Variants in FLNC observed in about 807,000 individuals in gnomAD.
FLNC encodes filamin-C.
Under a neutral mutation model 254.3 loss-of-function variants are expected in FLNC, and 91 were observed. That is an observed-to-expected ratio of 0.36 (90% CI 0.30 to 0.43). The LOEUF (loss-of-function observed/expected upper bound fraction) is 0.43, where lower values mean the gene tolerates loss of function less well. FLNC is among the 20% of genes least tolerant of loss of function. The pLI, the probability that FLNC is intolerant of heterozygous loss-of-function variation, is 1.00. For missense variants in FLNC, 2,853 were observed against 3,802.6 expected (o/e 0.75, Z 6.57); for synonymous variants, 1,430 against 1,577.2 (o/e 0.91, Z 2.21).
At position 128,847,710 on chromosome 7, in the gene FLNC, C is replaced by T. The variant is rs114697352; in HGVS notation, c.4302C>T (p.Arg1434=). The change falls in exon 25 of 48, where the codon CGC becomes CGT. Residue 1434 remains arginine, a synonymous_variant. Transcript: ENST00000325888. ...TTCTCCTCACAGGGAGCCCGTTCCG[C>T]GTGCCAGTGAAGGATGTGGTGGACC... The part of the protein sequence containing the change: ...GGRPIPGSPF[R]VPVKDVVDPG... The T allele has an allele frequency of 1.7e-3, 2,687 of 1,614,060 alleles. 55 individuals are homozygous for T. The African/African-American group carries it at 0.032, about 19-fold the overall frequency.
In FLNC at chr7:128,844,199, A is replaced by G. The variant is rs1194808299; in HGVS notation, c.3125A>G (p.Tyr1042Cys). ...EEGPYKVDIT[Y>C]DGHPVPGSPF... The stretch of plus-strand genomic sequence containing the variant: ...GGGCCCTACAAGGTGGATATCACCT[A>G]CGATGGTCACCCGGTGCCTGGCAGC... Residue 1042 changes from tyrosine to cysteine, a missense_variant, in exon 20 of 48, where the codon TAC becomes TGC. By Grantham distance (194) the Tyr-to-Cys change is radical. Around this residue, in one of 10 missense-constraint regions of FLNC, gnomAD observed 1,573 missense variants for 1,883.5 expected, o/e 0.84. Transcript: ENST00000325888. 1.2e-6 allele frequency: 2 copies of G among 1,613,060 alleles called. No individual in the cohort carries two copies. Among genetic ancestry groups the G allele is most frequent in the East Asian group, 2.2e-5 (1 of 44,880 alleles).
chr7:128,831,555 G>A (rs1184054507), intron 1 of FLNC, among the ~76,000 whole-genome samples: 1 of 152,232 alleles, frequency 6.6e-6, no homozygotes, highest in Non-Finnish European at 1.5e-5. Context: ...CCGGGGGCCA[G>A]GACAGGCAGG....
chr7:128,847,078 T>A (rs1808599317), intron 24 of FLNC, among the ~76,000 whole-genome samples, 173 bp downstream of exon 24: 1 of 152,162 alleles, frequency 6.6e-6, no homozygotes, highest in Non-Finnish European at 1.5e-5. Flanking sequence ...AGGCAGGCAA[T>A]GAGGGTTGAT....
At chr7:128,838,133 C>G (rs1808176719) in intron 6 of FLNC, 69 bp downstream of exon 6, 1 of 1,513,206 alleles carries the variant, frequency 6.6e-7, no homozygotes, top group Admixed American at 1.7e-5. Flanking sequence ...ATGGACCCCT[C>G]TCTCAGCCTG....
rs1808312824 is a variant in FLNC, at chr7:128,841,089, T to A, written c.1814-81T>A. On this transcript the variant is annotated intron_variant, in intron 11 of 47. Coordinates refer to ENST00000325888, the MANE Select transcript of FLNC (RefSeq NM_001458.5). The surrounding 1 kb of genome is among the most constrained non-coding windows in gnomAD (Gnocchi z 4.3). ...CTGGGGTGAGCAGGGAGATAGGACA[T>A]GAGGGCAGCTAGAGGGGAGCTGGGG... 6.3e-7 allele frequency: 1 copy of A among 1,580,264 alleles called. No individual in the cohort carries two copies.
intron 9 of FLNC, 48 bp downstream of exon 9, chr7:128,840,208 A>T (rs1381728105): frequency 2.5e-6 from 4 of 1,606,872 alleles, no homozygotes; most frequent in Non-Finnish European, 3.4e-6. Flanking sequence ...GGGGATCATA[A>T]GGGAAGTATG....
rs963838554 is a variant in FLNC at position 128,843,872 on chromosome 7, C to T, written c.2888C>T (p.Pro963Leu). 64 of 1,613,960 alleles carry T rather than the reference C, an allele frequency of 4.0e-5. No homozygotes were observed. The highest frequency in any genetic ancestry group is 8.3e-5 in the Admixed American group (5 of 59,998). The change falls in exon 19 of 48, where the codon CCG becomes CTG. Residue 963 changes from proline (P) to leucine (L), a missense_variant. By Grantham distance (98) the Pro-to-Leu change is moderately conservative. Coordinates refer to ENST00000325888, the MANE Select transcript of FLNC (RefSeq NM_001458.5). ...CCCTTTGTGGTGAATGTGGCACCCC[C>T]GCTGGACCTCAGCAAAATCAAAGTT... ...KSPFVVNVAP[P>L]LDLSKIKVQG...
Position 128,854,827 on chromosome 7 carries a change from T to C in FLNC, c.7050T>C (p.Ala2350=). The stretch of plus-strand genomic sequence containing the variant: ...CTGGCGCTGGGGGCCTGTCCATTGC[T>C]GTGGAGGGTCCTAGCAAAGCGGAGA... ...REAGAGGLSI[A]VEGPSKAEIA... is the part of the protein sequence containing the mutation. Residue 2350 remains alanine (A), a synonymous_variant, in exon 42 of 48, where the codon GCT becomes GCC. Transcript: ENST00000325888. 1 of 1,614,156 alleles carries C rather than the reference T, an allele frequency of 6.2e-7. No individual in the cohort carries two copies. The highest frequency in any genetic ancestry group is 8.5e-7 in the Non-Finnish European group (1 of 1,180,032).
chr7:128,841,317 T>C lies in FLNC; in HGVS notation c.1961T>C (p.Phe654Ser). Residue 654 changes from phenylalanine to serine, a missense_variant, in exon 12 of 48, where the codon TTC (phenylalanine) becomes TCC (serine). By Grantham distance (155) the Phe-to-Ser change is radical. Coordinates refer to ENST00000325888, the MANE Select transcript of FLNC (RefSeq NM_001458.5). This position sits in a 1 kb window ranked among gnomAD's most constrained non-coding sequence, Gnocchi z 4.3. ...GATGAGGACATCCGAGACTCACCCT[T>C]CATTGCCCACATCCTGCCCGCCCCA... is the stretch of plus-strand genomic sequence containing the variant. ...CDDEDIRDSP[F>S]IAHILPAPPD... 6.2e-7 allele frequency: 1 copy of C among 1,614,016 alleles called. No homozygotes were observed. Among genetic ancestry groups the C allele is most frequent in the African/African-American group, 1.3e-5 (1 of 75,028 alleles).
rs772088387 is a variant in FLNC, at chr7:128,843,936, T to C, written c.2929+23T>C. On this transcript the variant is annotated intron_variant, in intron 19 of 47. Transcript: ENST00000325888. ...GCAGTAAGTGGGGCAAGAGCCACCC[T>C]GGGAGTGAGGGGTATTCGGGTAGGG... 8.1e-6 allele frequency: 13 copies of C among 1,614,006 alleles called. No individual in the cohort carries two copies. The East Asian group carries it at 2.9e-4, about 36-fold the overall frequency.
Position 128,856,368 on chromosome 7 carries a change from C to T in FLNC, c.7252-150C>T. On this transcript the variant is annotated intron_variant, in intron 43 of 47. Transcript: ENST00000325888. This position sits in a 1 kb window ranked among gnomAD's most constrained non-coding sequence, Gnocchi z 5.9. The stretch of plus-strand genomic sequence containing the variant: ...ACCGGACCCTGGCTCCTCCTGCTCC[C>T]AGGCTGGGCTGGCAGGCAGGGGCCA... 1 of 961,606 alleles carries T rather than the reference C, an allele frequency of 1.0e-6. No homozygotes were observed. Among genetic ancestry groups the T allele is most frequent in the Admixed American group, 1.8e-5 (1 of 54,546 alleles). The allele number at this position is 961,606 out of a possible 1,614,324, so 59.6% of individuals were successfully genotyped here.
In FLNC at chr7:128,849,321, C is replaced by T. The variant is rs142611699; in HGVS notation, c.4952-10C>T. The T allele has an allele frequency of 7.4e-5, 120 of 1,614,088 alleles. No individual in the cohort carries two copies. The African/African-American group carries it at 1.2e-3, about 16-fold the overall frequency. On this transcript the variant is annotated splice_polypyrimidine_tract_variant and intron_variant, in intron 29 of 47. Transcript: ENST00000325888. ...CACCAGCTCCCTGAGCAGGATCTCC[C>T]GCATGGCAGGTGCCTGCCTGGGCCC...
At chr7:128,852,527 G>A in intron 35 of FLNC, 64 bp from the exon 36 acceptor site, 4 of 1,589,664 alleles carry the variant, frequency 2.5e-6, no homozygotes, top group Admixed American at 1.7e-5. Context: ...GAGGGTTCCT[G>A]AGCCCTGTGA....
rs1214980108 is a variant in FLNC at position 128,845,226 on chromosome 7, A to C, written c.3761A>C (p.Lys1254Thr). ...CCTGCGGTCGATACCAGTGGCGTCA[A>C]GGTCTCAGGGCCTGGTGTTGAGCCA... is the stretch of plus-strand genomic sequence containing the variant. Reference protein sequence around the residue: ...VQPAVDTSGVKVSGPGVEPHG... With the variant: ...VQPAVDTSGVTVSGPGVEPHG... Residue 1254 changes from lysine (K) to threonine (T), a missense_variant, in exon 21 of 48, where the codon AAG (lysine) becomes ACG (threonine). By Grantham distance (78) the Lys-to-Thr change is moderately conservative. Transcript: ENST00000325888. The C allele has an allele frequency of 6.2e-7, 1 of 1,613,798 alleles. No homozygotes were observed.
In FLNC at chr7:128,841,436, C is replaced by A. The variant is rs763833533; in HGVS notation, c.2008-18C>A. The A allele has an allele frequency of 2.5e-6, 4 of 1,613,572 alleles. No individual in the cohort carries two copies. The highest frequency in any genetic ancestry group is 3.4e-6 in the Non-Finnish European group (4 of 1,179,522). ...GTTCTCCTCCCCTCCCCAACTCAGC[C>A]TTCTTCCCTCCGCACAGGTGAAGGC... On this transcript the variant is annotated intron_variant, in intron 12 of 47. Transcript: ENST00000325888. This position sits in a 1 kb window ranked among gnomAD's most constrained non-coding sequence, Gnocchi z 4.3.
Position 128,843,393 on chromosome 7 carries a change from T to A in FLNC, c.2642-15T>A, listed in dbSNP as rs1291186311. 6 of 1,613,930 alleles carry A rather than the reference T, an allele frequency of 3.7e-6. No individual in the cohort carries two copies. The highest frequency in any genetic ancestry group is 5.1e-6 in the Non-Finnish European group (6 of 1,179,958). ...GGCTGCCAGGCCCTCACCACATCTC[T>A]GGGTGGGTCCTCAGGTGTGGAAGTC... is the stretch of plus-strand genomic sequence containing the variant. On this transcript the variant is annotated splice_polypyrimidine_tract_variant and intron_variant, in intron 17 of 47. Transcript: ENST00000325888.
At position 128,844,782 on chromosome 7, in the gene FLNC, A is replaced by G. The variant is rs1349933620; in HGVS notation, c.3317A>G (p.Lys1106Arg). ...GLTVEGPCEA[K>R]IECQDNGDGS... is the part of the protein sequence containing the mutation. ...ACCGTAGAGGGCCCCTGCGAGGCCA[A>G]GATCGAGTGCCAGGACAATGGTGAT... The change falls in exon 21 of 48, where the codon AAG becomes AGG. Residue 1106 changes from lysine to arginine, a missense_variant. Coordinates refer to ENST00000325888, the MANE Select transcript of FLNC (RefSeq NM_001458.5). The G allele has an allele frequency of 1.9e-6, 3 of 1,613,998 alleles. No individual in the cohort carries two copies. The highest frequency in any genetic ancestry group is 1.3e-5 in the African/African-American group (1 of 74,942).
chr7:128,840,064 C>T lies in FLNC; in HGVS notation c.1453C>T (p.Gln485Ter). The T allele has an allele frequency of 6.2e-7, 1 of 1,614,092 alleles. No homozygotes were observed. The change falls in exon 9 of 48, where the codon CAG becomes TAG. Residue 485 changes from glutamine to a stop codon, truncating the protein, a stop_gained. Coordinates refer to ENST00000325888, the MANE Select transcript of FLNC (RefSeq NM_001458.5). LOFTEE classifies it high-confidence loss of function. ...NACRASGRGL[Q>*]PKGVRVKEVA... ...CTGCCGCGCCTCTGGGCGAGGCCTG[C>T]AGCCCAAGGGTGTTCGCGTGAAAGA...
rs779105468 is a variant in FLNC, at chr7:128,842,580, C to T, written c.2271C>T (p.Asn757=). Residue 757 remains asparagine (N), a synonymous_variant, in exon 15 of 48, where the codon AAC becomes AAT. Transcript: ENST00000325888. This position sits in a 1 kb window ranked among gnomAD's most constrained non-coding sequence, Gnocchi z 5.4. ...AGCTGCGACCCCTCCCGCAGGTGAA[C>T]GTGGGCGAGGGCAGCCACCCCGAGC... ...VNVPKSPFRV[N]VGEGSHPERV... The T allele has an allele frequency of 7.7e-6, 12 of 1,549,098 alleles. No individual in the cohort carries two copies. The highest frequency in any genetic ancestry group is 5.9e-5 in the Admixed American group (3 of 51,002).
Sources: gnomAD v4.1 joint callset for allele counts (sites outside exome capture counted in the v4.1 genomes callset) on GRCh38, gnomAD v4.1.1 for gene constraint, gnomAD v4.1.1 regional missense constraint, Gnocchi (gnomAD v3.1) non-coding constraint, MANE v1.5 for transcripts, NCBI Gene and HGNC (gene_info 2026-07-23, HGNC 2026-07-21) for gene names.